RAB3C: variants seen among roughly 807,000 people sequenced by gnomAD.
RAB3C encodes the protein RAB3C, member RAS oncogene family, also known as ras-related protein Rab-3C.
In RAB3C, 17 loss-of-function variants were observed where a neutral mutation model predicts 26.4. The observed-to-expected ratio is 0.64, with a 90% confidence interval of 0.44 to 0.97. The LOEUF (loss-of-function observed/expected upper bound fraction) is 0.97, where lower values mean the gene tolerates loss of function less well. Ranked by LOEUF, RAB3C falls within the 50% of genes least tolerant of loss-of-function variation. The pLI, the probability that RAB3C is intolerant of heterozygous loss-of-function variation, is 0.00. For missense variants in RAB3C, 242 were observed against 281.9 expected, an observed-to-expected ratio of 0.86 and a Z score of 1.01; for synonymous variants, 91 against 95.9, an observed-to-expected ratio of 0.95 and a Z score of 0.30.
At chr5:58,710,077 A>G (rs1300023649) in intron 2 of RAB3C, among the ~76,000 whole-genome samples, 2 of 152,190 alleles carry the variant, frequency 1.3e-5, no homozygotes, top group Non-Finnish European at 2.9e-5. Flanking sequence ...CCAGACAAAT[A>G]GGCTTAATAT....
At chr5:58,654,391 TA>T (rs1747720820) in intron 2 of RAB3C, among the ~76,000 whole-genome samples, 2 of 152,316 alleles carry the variant, frequency 1.3e-5, no homozygotes, top group East Asian at 3.9e-4. Flanking sequence ...AATTTTACTT[TA>T]CCCTACAAGA....
intron 3 of RAB3C, among the ~76,000 whole-genome samples, chr5:58,785,389 A>G (rs1035239641): frequency 6.6e-6 from 1 of 152,202 alleles, no homozygotes; most frequent in Non-Finnish European, 1.5e-5. Context: ...TTGCTAAATT[A>G]TTTAACCTCT....
At chr5:58,748,071 A>T (rs1377889480) in intron 3 of RAB3C, among the ~76,000 whole-genome samples, 1 of 152,066 alleles carries the variant, frequency 6.6e-6, no homozygotes, top group Non-Finnish European at 1.5e-5. Context: ...GAGGTGGAGA[A>T]CCTTTCTGCT....
chr5:58,586,855 C>G (rs1280891615), intron 1 of RAB3C, among the ~76,000 whole-genome samples: 1 of 152,082 alleles, frequency 6.6e-6, no homozygotes, highest in Non-Finnish European at 1.5e-5. Flanking sequence ...GTACACAACA[C>G]CAAATTACAA....
chr5:58,767,798 T>G (rs1051868401), intron 3 of RAB3C, among the ~76,000 whole-genome samples: 1 of 152,026 alleles, frequency 6.6e-6, no homozygotes, highest in Non-Finnish European at 1.5e-5. Context: ...GGGGATAAAA[T>G]AGAGAACACG....
chr5:58,702,387 A>G (rs1177468346), intron 2 of RAB3C, among the ~76,000 whole-genome samples: 1 of 152,014 alleles, frequency 6.6e-6, no homozygotes, highest in Non-Finnish European at 1.5e-5. Context: ...TGCCTCATGC[A>G]CTTTAGGCTA....
intron 2 of RAB3C, among the ~76,000 whole-genome samples, chr5:58,628,804 C>T (rs158972): frequency 0.25 from 38,054 of 151,966 alleles, 5,002 homozygotes; most frequent in Admixed American, 0.31. Flanking sequence ...TGAGCACGCT[C>T]CCTGCTGCCT....
intron 3 of RAB3C, among the ~76,000 whole-genome samples, chr5:58,824,590 T>C (rs972878034): frequency 2.0e-5 from 3 of 152,138 alleles, no homozygotes; most frequent in East Asian, 1.9e-4. Flanking sequence ...TAAGGGAAAA[T>C]ATTGTTTTCG....
intron 2 of RAB3C, among the ~76,000 whole-genome samples, chr5:58,721,418 C>T (rs1228611291): frequency 6.6e-6 from 1 of 151,706 alleles, no homozygotes; most frequent in African/African-American, 2.4e-5. Context: ...CAGCTATTAG[C>T]ATCAGCTAGG....
rs565152062 is a variant in RAB3C, at chr5:58,754,367, T to C, written c.371+28247T>C. 2.0e-5 allele frequency among the ~76,000 whole-genome samples: 3 copies of C among 152,208 alleles called. No homozygotes were observed. In the East Asian group the frequency reaches 5.8e-4, roughly 29 times the overall value. ...CACGCTCCTTACTTTGGGGGCTGAGTCTTGTTTTTGTTTCTAGTTCAGCCT... is the reference window on the plus strand; with the variant it reads ...CACGCTCCTTACTTTGGGGGCTGAGCCTTGTTTTTGTTTCTAGTTCAGCCT... On this transcript the variant is annotated intron_variant, in intron 3 of 4. Coordinates refer to ENST00000282878, the MANE Select transcript of RAB3C (RefSeq NM_138453.4).
intron 2 of RAB3C, among the ~76,000 whole-genome samples, chr5:58,704,549 T>C (rs1472526047): frequency 6.6e-6 from 1 of 152,168 alleles, no homozygotes; most frequent in African/African-American, 2.4e-5. Flanking sequence ...GTACTGAGAA[T>C]TTTTTAGTAA....
chr5:58,837,701 G>T (rs1009747723), intron 4 of RAB3C, among the ~76,000 whole-genome samples: 4 of 150,414 alleles, frequency 2.7e-5, no homozygotes, highest in Non-Finnish European at 6.0e-5. Context: ...TGGAAGTACA[G>T]GTGCCCACCA....
intron 2 of RAB3C, among the ~76,000 whole-genome samples, chr5:58,639,245 A>G (rs1228605544): frequency 1.3e-5 from 2 of 152,140 alleles, no homozygotes; most frequent in African/African-American, 2.4e-5. Context: ...ATTATCGATG[A>G]CCTTGATTTT....
intron 3 of RAB3C, among the ~76,000 whole-genome samples, chr5:58,769,695 CT>C (rs1278060291): frequency 2.0e-5 from 3 of 152,264 alleles, no homozygotes; most frequent in East Asian, 3.9e-4. Context: ...TCATATATAA[CT>C]GCTACCAGGA....
At chr5:58,801,077 C>T (rs1315920210) in intron 3 of RAB3C, among the ~76,000 whole-genome samples, 2 of 152,196 alleles carry the variant, frequency 1.3e-5, no homozygotes, top group South Asian at 2.1e-4. Flanking sequence ...GGAAATATTA[C>T]GCTCTTCATG....
intron 2 of RAB3C, among the ~76,000 whole-genome samples, chr5:58,665,402 C>T (rs935290281): frequency 1.3e-5 from 2 of 152,128 alleles, no homozygotes; most frequent in Admixed American, 6.5e-5. Flanking sequence ...TTGGTAGCAA[C>T]TTCTTTCAGT....
chr5:58,673,922 CAT>C (rs1748173921), intron 2 of RAB3C, among the ~76,000 whole-genome samples: 1 of 151,996 alleles, frequency 6.6e-6, no homozygotes, highest in Non-Finnish European at 1.5e-5. Flanking sequence ...ACATAAGAAA[CAT>C]AGAGAAATAT....
chr5:58,725,923 C>G, intron 2 of RAB3C, 79 bp from the exon 3 acceptor site: 2 of 822,330 alleles, frequency 2.4e-6, no homozygotes, highest in Admixed American at 5.1e-5. Context: ...TATTGTGACT[C>G]TTTTTGGAAT....
chr5:58,817,509 G>A (rs1429073008), intron 3 of RAB3C, among the ~76,000 whole-genome samples: 1 of 151,278 alleles, frequency 6.6e-6, no homozygotes, highest in Non-Finnish European at 1.5e-5. Flanking sequence ...TCCTGTTTCT[G>A]GTTTCTTAGT....
Sources: gnomAD v4.1 joint callset for allele counts (sites outside exome capture counted in the v4.1 genomes callset) on GRCh38, gnomAD v4.1.1 for gene constraint, MANE v1.5 for transcripts, NCBI Gene and HGNC (gene_info 2026-07-23, HGNC 2026-07-21) for gene names.